Variants in FARP1 observed in about 807,000 individuals in gnomAD.
The protein encoded by FARP1 is FERM, ARH/RhoGEF and pleckstrin domain protein 1.
FARP1 carries 52 observed loss-of-function variants against 128.8 expected under a neutral mutation model. The ratio of observed to expected loss-of-function variants is 0.40; its 90% CI spans 0.32 to 0.51. The LOEUF is 0.51. Among genes scored for constraint, FARP1 ranks in the 20% least tolerant of loss-of-function variants. The pLI, the probability that FARP1 is intolerant of heterozygous loss-of-function variation, is 0.45. For synonymous variants in FARP1, 580 were observed against 551.8 expected (o/e 1.05, Z -0.72); for missense variants, 1,333 against 1,367.9 (o/e 0.97, Z 0.40).
At chr13:98,426,721 G>A (rs543635631) in intron 17 of FARP1, among the ~76,000 whole-genome samples, 5 of 152,254 alleles carry the variant, frequency 3.3e-5, no homozygotes, top group South Asian at 2.1e-4. Context: ...GAGAGAGGCC[G>A]TGGAAGTGAT....
chr13:98,189,419 A>AT (rs1157435033), intron 1 of FARP1, among the ~76,000 whole-genome samples: 2 of 151,994 alleles, frequency 1.3e-5, no homozygotes, highest in African/African-American at 4.8e-5. Flanking sequence ...GTATTTTTTC[A>AT]TTTTTTGTGC....
chr13:98,410,425 T>C (rs1475656185), intron 14 of FARP1, among the ~76,000 whole-genome samples: 7 of 152,238 alleles, frequency 4.6e-5, no homozygotes, highest in Non-Finnish European at 7.3e-5. Context: ...TTGAGTCCTT[T>C]TGCTGACGGT....
At chr13:98,187,223 T>C (rs748580732) in intron 1 of FARP1, among the ~76,000 whole-genome samples, 12 of 152,200 alleles carry the variant, frequency 7.9e-5, no homozygotes, top group Non-Finnish European at 1.3e-4. Context: ...CACTGACTTA[T>C]GTCCCTTCCC....
At chr13:98,297,290 G>A (rs1004569991) in intron 2 of FARP1, among the ~76,000 whole-genome samples, 19 of 152,182 alleles carry the variant, frequency 1.2e-4, no homozygotes, top group Admixed American at 2.0e-4. Context: ...TCCAAATAAC[G>A]GAGCTGCCCA....
intron 8 of FARP1, among the ~76,000 whole-genome samples, chr13:98,386,765 T>C (rs544302911): frequency 1.6e-4 from 23 of 147,230 alleles, no homozygotes; most frequent in Non-Finnish European, 3.0e-4. Flanking sequence ...AAACCCTTTA[T>C]TGAGCTCTTC....
intron 1 of FARP1, among the ~76,000 whole-genome samples, chr13:98,186,881 A>C (rs1878909689): frequency 6.7e-6 from 1 of 149,980 alleles, no homozygotes; most frequent in Non-Finnish European, 1.5e-5. Flanking sequence ...AATCCCAGCT[A>C]CTCAGGAGGC....
chr13:98,311,263 G>A lies in FARP1; in HGVS notation c.172-32499G>A, dbSNP rs142427635. On this transcript the variant is annotated intron_variant, in intron 2 of 26. Transcript: ENST00000319562. The stretch of plus-strand genomic sequence containing the variant: ...CACATGGGAAACTGAAGCCCAAAAT[G>A]ATCAGTACTATGTCAAAGTCCCATG... 6.0e-3 allele frequency among the ~76,000 whole-genome samples: 912 copies of A among 152,314 alleles called. 7 individuals are homozygous for A. The highest frequency in any genetic ancestry group is 0.014 in the Middle Eastern group (4 of 294).
chr13:98,437,065 A>T (rs963321001), intron 19 of FARP1, among the ~76,000 whole-genome samples: 1 of 152,216 alleles, frequency 6.6e-6, no homozygotes, highest in African/African-American at 2.4e-5. Flanking sequence ...GGTCATTAAG[A>T]TCAAATGAGA....
chr13:98,318,951 T>G (rs1475117822), intron 2 of FARP1, among the ~76,000 whole-genome samples: 4 of 42,314 alleles, frequency 9.5e-5, no homozygotes, highest in East Asian at 9.0e-4. Context: ...TTTTTTCTTG[T>G]TTTTTTTTTT....
At chr13:98,281,179 C>G (rs1884919491) in intron 2 of FARP1, among the ~76,000 whole-genome samples, 1 of 152,082 alleles carries the variant, frequency 6.6e-6, no homozygotes, top group African/African-American at 2.4e-5. Flanking sequence ...CATGGTAAAG[C>G]CTGTCTCTAC....
Position 98,229,866 on chromosome 13 carries a change from C to T in FARP1, c.171+16453C>T, listed in dbSNP as rs73567403. Among the ~76,000 whole-genome samples, 1,094 of 152,120 alleles carry T rather than the reference C, an allele frequency of 7.2e-3. 19 individuals are homozygous for T. Among genetic ancestry groups the T allele is most frequent in the African/African-American group, 0.025 (1,050 of 41,500 alleles). ...CAGTATCTCACTTGAGTTACTACGC[C>T]TCTCTCTACTGTATTGGCTGTTATG... On this transcript the variant is annotated intron_variant, in intron 2 of 26. Coordinates refer to ENST00000319562, the MANE Select transcript of FARP1 (RefSeq NM_005766.4).
At chr13:98,250,120 A>G (rs9517229) in intron 2 of FARP1, among the ~76,000 whole-genome samples, 58,800 of 152,138 alleles carry the variant, frequency 0.39, 11,887 homozygotes, top group South Asian at 0.55. Flanking sequence ...AACACCAAAC[A>G]TTGGGGTGGC....
chr13:98,237,849 A>G (rs1317619838), intron 2 of FARP1, among the ~76,000 whole-genome samples: 1 of 152,222 alleles, frequency 6.6e-6, no homozygotes, highest in Non-Finnish European at 1.5e-5. Context: ...GAAAGAAAGA[A>G]AAATTAGTCA....
intron 2 of FARP1, among the ~76,000 whole-genome samples, chr13:98,303,342 T>G (rs982771213): frequency 6.6e-6 from 1 of 152,244 alleles, no homozygotes; most frequent in Non-Finnish European, 1.5e-5. Flanking sequence ...AGAAATGTAC[T>G]AAAAAGTCAT....
intron 26 of FARP1, 198 bp from the exon 27 acceptor site, chr13:98,448,038 G>A: frequency 1.7e-6 from 1 of 602,302 alleles, no homozygotes; most frequent in South Asian, 2.0e-5. Flanking sequence ...TCCACACTGA[G>A]TGAGTGCCCA....
chr13:98,186,991 C>CAAAAAA (rs33992037), intron 1 of FARP1, among the ~76,000 whole-genome samples: 7 of 47,830 alleles, frequency 1.5e-4, no homozygotes, highest in South Asian at 1.2e-3. Context: ...GATTCTGTCT[C>CAAAAAA]AAAAAAAAAA....
chr13:98,263,531 T>C (rs1320288506), intron 2 of FARP1, among the ~76,000 whole-genome samples: 1 of 152,248 alleles, frequency 6.6e-6, no homozygotes, highest in African/African-American at 2.4e-5. Context: ...ATGCTCACTA[T>C]TGAAAATTTG....
intron 1 of FARP1, among the ~76,000 whole-genome samples, chr13:98,205,474 G>A (rs1428798987): frequency 6.6e-6 from 1 of 151,102 alleles, no homozygotes; most frequent in Non-Finnish European, 1.5e-5. Flanking sequence ...CTCACTGCAA[G>A]CTCCACCTCC....
intron 2 of FARP1, among the ~76,000 whole-genome samples, chr13:98,239,273 G>A (rs1182353938): frequency 6.6e-6 from 1 of 152,140 alleles, no homozygotes; most frequent in Non-Finnish European, 1.5e-5. Context: ...GACCCTGGTT[G>A]TGTTTTCTCT....
Sources: gnomAD v4.1 joint callset for allele counts (sites outside exome capture counted in the v4.1 genomes callset) on GRCh38, gnomAD v4.1.1 for gene constraint, MANE v1.5 for transcripts, NCBI Gene and HGNC (gene_info 2026-07-23, HGNC 2026-07-21) for gene names.